C4orf51: variants seen among roughly 807,000 people sequenced by gnomAD.
C4orf51 encodes the protein chromosome 4 open reading frame 51, also known as uncharacterized protein C4orf51.
Under a neutral mutation model 25.2 loss-of-function variants are expected in C4orf51, and 25 were observed. That is an observed-to-expected ratio of 0.99 (90% CI 0.72 to 1.39). C4orf51 has a LOEUF of 1.39. Among genes scored for constraint, C4orf51 ranks in the 40% most tolerant of loss-of-function variants. C4orf51 has a pLI of 0.00. For missense variants in C4orf51, 252 were observed against 239.6 expected (o/e 1.05, Z -0.34); for synonymous variants, 100 against 84.5 (o/e 1.18, Z -1.01).
chr4:145,710,740 G>A (rs1403852785), intron 2 of C4orf51, among the ~76,000 whole-genome samples: 1 of 149,980 alleles, frequency 6.7e-6, no homozygotes, highest in Non-Finnish European at 1.5e-5. Flanking sequence ...TAGAGAGACA[G>A]TTAAGCCTGT....
In C4orf51 at chr4:145,729,357, A is replaced by G. The variant is rs949468537; in HGVS notation, c.427+128A>G. ...CTCACACTCTCCCAGGCTGACGTGC[A>G]GTGGCGCGATCTCGGCTCACTGCAA... On this transcript the variant is annotated intron_variant, in intron 4 of 5. Coordinates refer to ENST00000438731, the MANE Select transcript of C4orf51 (RefSeq NM_001080531.3). 1.3e-5 allele frequency: 7 copies of G among 559,640 alleles called. No individual in the cohort carries two copies. The Admixed American group carries it at 1.9e-4, about 16-fold the overall frequency. The allele number at this position is 559,640 out of a possible 1,614,324, so 34.7% of individuals were successfully genotyped here.
chr4:145,685,167 A>G (rs553438107), intron 1 of C4orf51, among the ~76,000 whole-genome samples: 2 of 152,180 alleles, frequency 1.3e-5, no homozygotes. Context: ...CATTGTGTCA[A>G]GTTCTACAGA....
chr4:145,780,684 G>A, the C4orf51 span, among the ~76,000 whole-genome samples: 1 of 152,204 alleles, frequency 6.6e-6, no homozygotes, highest in Non-Finnish European at 1.5e-5. Context: ...ACACCAGAAA[G>A]AGAGAAGGAG....
chr4:145,693,032 T>A (rs867716970), intron 1 of C4orf51, among the ~76,000 whole-genome samples: 112 of 123,706 alleles, frequency 9.1e-4, no homozygotes, highest in African/African-American at 3.3e-3. Context: ...TTTTTTTTTT[T>A]TTATTAAATT....
chr4:145,682,246 A>G (rs1028900857), intron 1 of C4orf51, among the ~76,000 whole-genome samples: 1 of 152,200 alleles, frequency 6.6e-6, no homozygotes, highest in Admixed American at 6.5e-5. Flanking sequence ...TTGCACAATT[A>G]TTTCTTATTC....
downstream of C4orf51, among the ~76,000 whole-genome samples, chr4:145,773,415 T>C (rs553548084): frequency 6.6e-6 from 1 of 152,344 alleles, no homozygotes; most frequent in Non-Finnish European, 1.5e-5. Context: ...GAGATCCTCC[T>C]CTGCTGTGTA....
chr4:145,759,078 A>T (rs1020802443), downstream of C4orf51: 4 of 152,226 alleles, frequency 2.6e-5, no homozygotes, highest in African/African-American at 9.7e-5. Flanking sequence ...AGGATAACAC[A>T]TGATGGAAAA....
rs1469263687 is a variant in C4orf51, at chr4:145,769,920, C to T, written n.167-1068C>T. ...TCATCTTGCTTCCTCAATACAGACA[C>T]TGTTACATTTTAGAGTACTTTTCAT... is the stretch of plus-strand genomic sequence containing the variant. On this transcript the variant is annotated intron_variant and non_coding_transcript_variant, in intron 1 of 1. Transcript: ENST00000510096. Among the ~76,000 whole-genome samples, 5 of 152,204 alleles carry T rather than the reference C, an allele frequency of 3.3e-5. No homozygotes were observed. In the East Asian group the frequency reaches 9.6e-4, roughly 29 times the overall value.
chr4:145,699,751 G>A (rs2126699583), intron 2 of C4orf51, among the ~76,000 whole-genome samples: 1 of 152,162 alleles, frequency 6.6e-6, no homozygotes, highest in South Asian at 2.1e-4. Flanking sequence ...CTGGGGAAGG[G>A]GCAAGTACGC....
intron 1 of C4orf51, among the ~76,000 whole-genome samples, chr4:145,692,898 G>C (rs1729679928): frequency 1.4e-5 from 2 of 146,156 alleles, no homozygotes; most frequent in South Asian, 4.4e-4. Context: ...GTGTTTCAAA[G>C]GATACACACT....
chr4:145,708,786 G>A (rs1318720750), intron 2 of C4orf51, among the ~76,000 whole-genome samples: 3 of 152,212 alleles, frequency 2.0e-5, no homozygotes, highest in Admixed American at 2.0e-4. Flanking sequence ...GGGCTGGCCT[G>A]TATATATCCT....
At chr4:145,770,274 C>T (rs1009940467) in intron 1 of C4orf51, among the ~76,000 whole-genome samples, 4 of 151,352 alleles carry the variant, frequency 2.6e-5, no homozygotes, top group Admixed American at 2.0e-4. Context: ...ACTCCAGCCT[C>T]GGCAACAGAG....
chr4:145,705,652 G>A (rs1008253419), intron 2 of C4orf51, among the ~76,000 whole-genome samples: 1 of 152,158 alleles, frequency 6.6e-6, no homozygotes, highest in Non-Finnish European at 1.5e-5. Context: ...ATGTCCAAGA[G>A]AGACAGGGAC....
chr4:145,722,311 A>C (rs1731783705), intron 2 of C4orf51, among the ~76,000 whole-genome samples: 1 of 152,196 alleles, frequency 6.6e-6, no homozygotes, highest in Non-Finnish European at 1.5e-5. Context: ...ATTTGCTGGA[A>C]TGTTGAGAGT....
At chr4:145,753,150 GTGTGTGT>G (rs1479130448) in intron 1 of C4orf51, among the ~76,000 whole-genome samples, 1 of 149,560 alleles carries the variant, frequency 6.7e-6, no homozygotes, top group African/African-American at 2.5e-5. Context: ...TTGTGTGTGT[GTGTGTGT>G]GTGTGTGTGT....
Position 145,729,222 on chromosome 4 carries a change from A to G in C4orf51, c.420A>G (p.Gly140=), listed in dbSNP as rs773331979. 1 of 1,603,294 alleles carries G rather than the reference A, an allele frequency of 6.2e-7. No individual in the cohort carries two copies. Among genetic ancestry groups the G allele is most frequent in the Non-Finnish European group, 8.5e-7 (1 of 1,171,724 alleles). The stretch of plus-strand genomic sequence containing the variant: ...GTTTTCCGACACCTCCAAATTATGG[A>G]AAATACTGTAAGTCCCATCCTGAAC... The part of the protein sequence containing the change: ...GDCFPTPPNY[G]KYCVRPKKPA... Residue 140 remains glycine, a synonymous_variant, in exon 4 of 6, where the codon GGA becomes GGG. Transcript: ENST00000438731.
At chr4:145,724,998 A>G (rs1206824668) in intron 2 of C4orf51, among the ~76,000 whole-genome samples, 3 of 151,694 alleles carry the variant, frequency 2.0e-5, no homozygotes, top group Admixed American at 6.6e-5. Flanking sequence ...TTGCAAAGGT[A>G]TAAGAATAAC....
chr4:145,753,664 G>C (rs967968459), intron 1 of C4orf51, among the ~76,000 whole-genome samples: 4 of 152,078 alleles, frequency 2.6e-5, no homozygotes, highest in Non-Finnish European at 5.9e-5. Flanking sequence ...CCCTTTCATG[G>C]TGAGTTTGGA....
chr4:145,773,144 G>A (rs1231221203), downstream of C4orf51, among the ~76,000 whole-genome samples: 1 of 152,176 alleles, frequency 6.6e-6, no homozygotes, highest in Non-Finnish European at 1.5e-5. Flanking sequence ...CAGTGGTAAT[G>A]GAAAAGAGTT....
Sources: gnomAD v4.1 joint callset for allele counts (sites outside exome capture counted in the v4.1 genomes callset) on GRCh38, gnomAD v4.1.1 for gene constraint, MANE v1.5 for transcripts, NCBI Gene and HGNC (gene_info 2026-07-23, HGNC 2026-07-21) for gene names.